Variants in CD6 observed in about 807,000 individuals in gnomAD.
CD6 encodes the protein CD6 molecule.
A neutral mutation model predicts 75.3 loss-of-function variants in CD6; 53 were observed. The observed-to-expected ratio is 0.70, with a 90% CI of 0.56 to 0.88. The LOEUF (loss-of-function observed/expected upper bound fraction) is 0.88, where lower values mean the gene tolerates loss of function less well. Among genes scored for constraint, CD6 ranks in the 40% least tolerant of loss-of-function variants. The probability of loss-of-function intolerance (pLI) is 0.00; values close to 1 mark genes in which losing one functional copy is unlikely to be tolerated. For synonymous variants in CD6, 359 were observed against 381.5 expected (o/e 0.94, Z 0.69); for missense variants, 770 against 897.1 (o/e 0.86, Z 1.81).
Position 61,019,536 on chromosome 11 carries a change from C to T in CD6, c.*218C>T, listed in dbSNP as rs1859578432. 4.8e-5 allele frequency: 21 copies of T among 435,096 alleles called. 1 individual carries two copies. The highest frequency in any genetic ancestry group is 8.2e-5 in the Non-Finnish European group (20 of 245,258). The allele number at this position is 435,096 out of a possible 1,614,324, so 27.0% of individuals were successfully genotyped here. On this transcript the variant is annotated 3_prime_UTR_variant, in exon 13 of 13. Coordinates refer to ENST00000313421, the MANE Select transcript of CD6 (RefSeq NM_006725.5). ...CCCTCCCCCGGCCCCAGATAGCAGC[C>T]CCAGGGAGGATGCTGCCTCCAAGAG...
chr11:60,971,864 A>G lies in CD6; in HGVS notation c.-2A>G. 1 of 1,613,852 alleles carries G rather than the reference A, an allele frequency of 6.2e-7. No individual in the cohort carries two copies. The highest frequency in any genetic ancestry group is 8.5e-7 in the Non-Finnish European group (1 of 1,179,914). On this transcript the variant is annotated 5_prime_UTR_variant, in exon 1 of 13. Transcript: ENST00000313421. ...GCGTAGCAGCCAGAGACAGCTCCAG[A>G]CATGTGGCTCTTCTTCGGGATCACT... is the stretch of plus-strand genomic sequence containing the variant.
At chr11:60,997,387 A>AT (rs1274974932) in intron 1 of CD6, among the ~76,000 whole-genome samples, 1 of 150,560 alleles carries the variant, frequency 6.6e-6, no homozygotes, top group South Asian at 2.1e-4. Context: ...TCAAAAAAAA[A>AT]AAAAATAAAA....
intron 6 of CD6, among the ~76,000 whole-genome samples, chr11:61,011,505 G>A (rs529491703): frequency 1.3e-5 from 2 of 152,276 alleles, no homozygotes; most frequent in African/African-American, 4.8e-5. Context: ...GCTGGGTAGC[G>A]GGAATGCCAG....
chr11:61,000,739 G>C lies in CD6; in HGVS notation c.50-5835G>C, dbSNP rs568475215. Among the ~76,000 whole-genome samples the C allele has an allele frequency of 2.0e-5, 3 of 152,316 alleles. No individual in the cohort carries two copies. In the East Asian group the frequency reaches 5.8e-4, roughly 29 times the overall value. On this transcript the variant is annotated intron_variant, in intron 1 of 12. Coordinates refer to ENST00000313421, the MANE Select transcript of CD6 (RefSeq NM_006725.5). The stretch of plus-strand genomic sequence containing the variant: ...CAGGAGCCTGGGTGACACAACAGGA[G>C]TATCAGTGTCCCGTTCCGTTTTCTC...
rs1168354724 is a variant in CD6 at position 61,008,561 on chromosome 11, G to A, written c.497G>A (p.Gly166Asp). ...AACCGCGCGCTGCGCCTGGTGGACG[G>A]TGGCGGCGCCTGCGCCGGCCGCGTG... is the stretch of plus-strand genomic sequence containing the variant. The part of the protein sequence containing the change: ...AENRALRLVD[G>D]GGACAGRVEM... The change falls in exon 4 of 13, where the codon GGT (glycine) becomes GAT (aspartate). Residue 166 changes from glycine to aspartate, a missense_variant. Physicochemically the swap from Gly to Asp is moderately conservative, Grantham distance 94 (BLOSUM62 -1). Transcript: ENST00000313421. 1 of 1,605,888 alleles carries A rather than the reference G, an allele frequency of 6.2e-7. No individual in the cohort carries two copies. The highest frequency in any genetic ancestry group is 2.2e-5 in the East Asian group (1 of 44,610).
At chr11:60,981,384 G>A (rs1857553096) in intron 1 of CD6, among the ~76,000 whole-genome samples, 1 of 152,132 alleles carries the variant, frequency 6.6e-6, no homozygotes, top group Admixed American at 6.5e-5. Flanking sequence ...TTTGGGCCGG[G>A]GACCCCTCCC....
At chr11:60,982,148 A>AGATGCCCGAGTTGGCG (rs1433888002) in intron 1 of CD6, among the ~76,000 whole-genome samples, 24 of 1,736 alleles carry the variant, frequency 0.014, no homozygotes, top group Non-Finnish European at 0.023. Flanking sequence ...GCTGGGGACC[A>AGATGCCCGAGTTGGCG]GGGTCATGTG....
chr11:60,997,661 A>G (rs1324788807), intron 1 of CD6, among the ~76,000 whole-genome samples: 1 of 152,180 alleles, frequency 6.6e-6, no homozygotes, highest in African/African-American at 2.4e-5. Context: ...GAAACATTCA[A>G]TCTGTATTTA....
chr11:60,976,958 A>G (rs1158948764), intron 1 of CD6, among the ~76,000 whole-genome samples: 1 of 152,208 alleles, frequency 6.6e-6, no homozygotes, highest in Non-Finnish European at 1.5e-5. Flanking sequence ...AATTTATGAC[A>G]GGCTTCTGCA....
At chr11:61,001,835 G>A (rs1047470956) in intron 1 of CD6, among the ~76,000 whole-genome samples, 1 of 152,192 alleles carries the variant, frequency 6.6e-6, no homozygotes, top group Non-Finnish European at 1.5e-5. Flanking sequence ...GGAATTTCAA[G>A]ATGGCAACAG....
rs780714674 is a variant in CD6, at chr11:61,011,102, G to A, written c.1117G>A (p.Glu373Lys). 11 of 1,613,930 alleles carry A rather than the reference G, an allele frequency of 6.8e-6. No homozygotes were observed. The highest frequency in any genetic ancestry group is 2.2e-5 in the East Asian group (1 of 44,866). Residue 373 changes from glutamate (E) to lysine (K), a missense_variant, in exon 6 of 13, where the codon GAA becomes AAA. Physicochemically the swap from Glu to Lys is moderately conservative, Grantham distance 56. Coordinates refer to ENST00000313421, the MANE Select transcript of CD6 (RefSeq NM_006725.5). The stretch of plus-strand genomic sequence containing the variant: ...GAGTTTGCACAATCTGTCCACTCCC[G>A]AAGTCCCTGCAAGTGTTCAGACAGT... ...SRSLHNLSTPEVPASVQTVTI... is the reference protein window; with the variant it reads ...SRSLHNLSTPKVPASVQTVTI...
Position 61,015,898 on chromosome 11 carries a change from G to A in CD6, c.1510+63G>A. ...TGAATCTGGGAGGGGGCCCCGAGGG[G>A]ACCGTCAGGTCAGTAGTCCCACCTA... On this transcript the variant is annotated intron_variant, in intron 9 of 12. Transcript: ENST00000313421. 5 of 1,598,168 alleles carry A rather than the reference G, an allele frequency of 3.1e-6. 1 individual carries two copies.
intron 3 of CD6, 109 bp from the exon 4 acceptor site, chr11:61,008,425 C>T (rs1858981316): frequency 9.1e-7 from 1 of 1,095,018 alleles, no homozygotes; most frequent in Non-Finnish European, 1.3e-6. Flanking sequence ...CTACAGCCCT[C>T]TCACTGGGTC....
chr11:61,012,174 T>C (rs1461479190), intron 6 of CD6, among the ~76,000 whole-genome samples: 1 of 152,078 alleles, frequency 6.6e-6, no homozygotes, highest in Non-Finnish European at 1.5e-5. Flanking sequence ...GGAAATGAAA[T>C]GTACAACTGC....
chr11:60,992,834 T>TA (rs978613197), intron 1 of CD6, among the ~76,000 whole-genome samples: 21 of 148,146 alleles, frequency 1.4e-4, no homozygotes, highest in African/African-American at 3.7e-4. Flanking sequence ...TCTCCAAAAA[T>TA]AAAAAAAAAT....
intron 1 of CD6, among the ~76,000 whole-genome samples, chr11:61,001,426 C>T (rs1858583068): frequency 6.6e-6 from 1 of 152,100 alleles, no homozygotes; most frequent in African/African-American, 2.4e-5. Context: ...TGGTCTCGAA[C>T]TCTGGACCTT....
intron 1 of CD6, among the ~76,000 whole-genome samples, chr11:60,996,876 C>G (rs1858325193): frequency 6.6e-6 from 1 of 152,196 alleles, no homozygotes; most frequent in African/African-American, 2.4e-5. Flanking sequence ...GACAAAAAGC[C>G]TTCTGAGAGA....
At chr11:61,017,647 G>C (rs1859472294) in intron 10 of CD6, 97 bp downstream of exon 10, 1 of 1,581,136 alleles carries the variant, frequency 6.3e-7, no homozygotes, top group African/African-American at 1.3e-5. Context: ...CCCTCAATGA[G>C]TCTTTCCTGA....
chr11:60,996,876 CT>C (rs1858325381), intron 1 of CD6, among the ~76,000 whole-genome samples: 1 of 152,196 alleles, frequency 6.6e-6, no homozygotes, highest in South Asian at 2.1e-4. Context: ...GACAAAAAGC[CT>C]TCTGAGAGAA....
Sources: allele counts gnomAD v4.1 joint callset (sites outside exome capture counted in the v4.1 genomes callset), GRCh38; gene constraint gnomAD v4.1.1; transcripts MANE v1.5; gene names NCBI Gene and HGNC (gene_info 2026-07-23, HGNC 2026-07-21).